The following GALNT13 variants were observed in gnomAD, a reference collection of about 807,000 sequenced individuals.
The protein encoded by GALNT13 is polypeptide N-acetylgalactosaminyltransferase 13.
A neutral mutation model predicts 64.2 loss-of-function variants in GALNT13; 28 were observed. The ratio of observed to expected loss-of-function variants is 0.44; its 90% CI spans 0.32 to 0.60. The LOEUF is 0.60. GALNT13 is among the 20% of genes least tolerant of loss of function. GALNT13 has a pLI of 0.05. For synonymous variants in GALNT13, 214 were observed against 224.6 expected, an observed-to-expected ratio of 0.95 and a Z score of 0.42; for missense variants, 577 against 669.8, an observed-to-expected ratio of 0.86 and a Z score of 1.53.
At chr2:153,981,176 C>G (rs996584175) in intron 3 of GALNT13, among the ~76,000 whole-genome samples, 2 of 151,904 alleles carry the variant, frequency 1.3e-5, no homozygotes, top group Non-Finnish European at 2.9e-5. Context: ...TATTTGGTCT[C>G]ATGCAAAATT....
chr2:153,113,095 T>C, the GALNT13 span, among the ~76,000 whole-genome samples: 1 of 152,234 alleles, frequency 6.6e-6, no homozygotes, highest in African/African-American at 2.4e-5. Flanking sequence ...TTCATTCCAG[T>C]TACTGATTTT....
chr2:153,919,809 A>G (rs1436799583), intron 2 of GALNT13, among the ~76,000 whole-genome samples: 1 of 151,630 alleles, frequency 6.6e-6, no homozygotes, highest in African/African-American at 2.4e-5. Context: ...CATTTCATAT[A>G]TAATCTTTAC....
chr2:153,422,542 T>C, the GALNT13 span, among the ~76,000 whole-genome samples: 2 of 152,238 alleles, frequency 1.3e-5, no homozygotes, highest in Admixed American at 6.6e-5. Context: ...TTAGGCTAAG[T>C]GCTCTTATCA....
At chr2:153,649,265 G>A in the GALNT13 span, among the ~76,000 whole-genome samples, 3 of 152,196 alleles carry the variant, frequency 2.0e-5, no homozygotes, top group Non-Finnish European at 2.9e-5. Flanking sequence ...GGTGTTTATA[G>A]TATTCTCTGA....
At chr2:153,469,708 C>T in the GALNT13 span, among the ~76,000 whole-genome samples, 1 of 152,088 alleles carries the variant, frequency 6.6e-6, no homozygotes, top group East Asian at 1.9e-4. Flanking sequence ...ATGAGAGAGG[C>T]TCCATCAAAA....
chr2:153,603,819 A>G, the GALNT13 span, among the ~76,000 whole-genome samples: 5 of 152,008 alleles, frequency 3.3e-5, no homozygotes, highest in Non-Finnish European at 7.4e-5. Context: ...TTAGCTGTCA[A>G]GAAAGTTGCC....
chr2:154,199,749 A>G lies in GALNT13; in HGVS notation c.312-42281A>G, dbSNP rs74621040. On this transcript the variant is annotated intron_variant, in intron 4 of 12. Coordinates refer to ENST00000392825, the MANE Select transcript of GALNT13 (RefSeq NM_052917.4). Reference sequence around the variant, plus strand: ...GGAGATTGTAATACTATTAGAGTGCAGGGAATCTGCAATTTTCTAAAAATC... The same window carrying G: ...GGAGATTGTAATACTATTAGAGTGCGGGGAATCTGCAATTTTCTAAAAATC... Among the ~76,000 whole-genome samples, 16 of 152,200 alleles carry G rather than the reference A, an allele frequency of 1.1e-4. No homozygotes were observed. In the East Asian group the frequency reaches 3.1e-3, roughly 29 times the overall value.
intron 12 of GALNT13, among the ~76,000 whole-genome samples, chr2:154,444,686 C>T: frequency 6.6e-6 from 1 of 152,060 alleles, no homozygotes; most frequent in East Asian, 1.9e-4. Context: ...CAGATGTAGA[C>T]ATTGATGTTC....
chr2:153,172,051 A>G, the GALNT13 span: 1 of 152,358 alleles, frequency 6.6e-6, no homozygotes, highest in African/African-American at 2.4e-5. Flanking sequence ...AGTGCAGGAC[A>G]TTTGGGAAGA....
At chr2:153,896,081 A>ATATATATATTTTTTTTTTTTTT in intron 1 of GALNT13, among the ~76,000 whole-genome samples, 1 of 136,872 alleles carries the variant, frequency 7.3e-6, no homozygotes, top group Non-Finnish European at 1.6e-5. Flanking sequence ...ATGATTTTAT[A>ATATATATATTTTTTTTTTTTTT]TTTTTATGTT....
intron 1 of GALNT13, among the ~76,000 whole-genome samples, chr2:153,892,675 C>G (rs1435476132): frequency 6.6e-6 from 1 of 151,910 alleles, no homozygotes; most frequent in Non-Finnish European, 1.5e-5. Flanking sequence ...TTAAAAATAA[C>G]TTTTCACATT....
At chr2:153,098,031 A>C in the GALNT13 span, among the ~76,000 whole-genome samples, 1 of 152,168 alleles carries the variant, frequency 6.6e-6, no homozygotes, top group South Asian at 2.1e-4. Context: ...ATAACACTGC[A>C]CTCCAGCCTG....
the GALNT13 span, among the ~76,000 whole-genome samples, chr2:153,144,705 T>C: frequency 4.2e-3 from 633 of 151,934 alleles, 6 homozygotes; most frequent in African/African-American, 0.014. Flanking sequence ...CTACTGATAA[T>C]AGAAGACTAG....
At chr2:153,413,605 G>A in the GALNT13 span, among the ~76,000 whole-genome samples, 3 of 152,062 alleles carry the variant, frequency 2.0e-5, no homozygotes, top group East Asian at 1.9e-4. Flanking sequence ...TATAACTGCC[G>A]TTGTTCTATT....
the GALNT13 span, chr2:153,173,173 G>T: frequency 6.6e-6 from 1 of 152,050 alleles, no homozygotes; most frequent in African/African-American, 2.4e-5. Flanking sequence ...CCATATGACT[G>T]TACTTTTCTC....
At chr2:153,176,312 A>G in the GALNT13 span, among the ~76,000 whole-genome samples, 9 of 152,154 alleles carry the variant, frequency 5.9e-5, no homozygotes, top group Non-Finnish European at 1.3e-4. Flanking sequence ...TTTCCAATGT[A>G]CGTATATACA....
the GALNT13 span, among the ~76,000 whole-genome samples, chr2:153,290,532 A>G: frequency 6.6e-6 from 1 of 152,210 alleles, no homozygotes; most frequent in African/African-American, 2.4e-5. Flanking sequence ...CTAAACTGTC[A>G]TTAAGCACCT....
At chr2:153,110,015 ATC>A in the GALNT13 span, among the ~76,000 whole-genome samples, 1 of 152,162 alleles carries the variant, frequency 6.6e-6, no homozygotes, top group Non-Finnish European at 1.5e-5. Flanking sequence ...CATCTGTTTT[ATC>A]TCTGTGTTGA....
intron 3 of GALNT13, among the ~76,000 whole-genome samples, chr2:153,954,608 A>G (rs1206688100): frequency 6.8e-6 from 1 of 147,716 alleles, no homozygotes; most frequent in Non-Finnish European, 1.5e-5. Context: ...TAGTTACTAT[A>G]ATAATAATTT....
Sources: gnomAD v4.1 joint callset for allele counts (sites outside exome capture counted in the v4.1 genomes callset) on GRCh38, gnomAD v4.1.1 for gene constraint, MANE v1.5 for transcripts, NCBI Gene and HGNC (gene_info 2026-07-23, HGNC 2026-07-21) for gene names.